PROSER2: variants seen among roughly 807,000 people sequenced by gnomAD.
PROSER2 encodes the protein proline and serine-rich protein 2.
A neutral mutation model predicts 14.6 loss-of-function variants in PROSER2; 18 were observed. That is an observed-to-expected ratio of 1.23 (90% CI 0.85 to 1.83). The LOEUF is 1.83. Ranked by LOEUF, PROSER2 falls within the 40% of genes most tolerant of loss-of-function variation. The pLI, the probability that PROSER2 is intolerant of heterozygous loss-of-function variation, is 0.00. For synonymous variants in PROSER2, 367 were observed against 286.4 expected (o/e 1.28, Z -2.84); for missense variants, 823 against 629.8 (o/e 1.31, Z -3.28).
At chr10:11,850,817 T>C (rs1834005383) in intron 1 of PROSER2, 1 of 152,230 alleles carries the variant, frequency 6.6e-6, no homozygotes, top group African/African-American at 2.4e-5. Flanking sequence ...TGGTCATGTT[T>C]CCATTAATCA....
At chr10:11,843,198 C>T (rs1833874662) in intron 1 of PROSER2, among the ~76,000 whole-genome samples, 1 of 150,068 alleles carries the variant, frequency 6.7e-6, no homozygotes, top group Non-Finnish European at 1.5e-5. Context: ...CCTCGGCCTC[C>T]CAAAGTGCCG....
In PROSER2 at chr10:11,830,686, CT is replaced by C. The variant is rs1055303934; in HGVS notation, c.-82+7218del. Among the ~76,000 whole-genome samples, 8 of 152,314 alleles carry C rather than the reference CT, an allele frequency of 5.3e-5. No homozygotes were observed. The highest frequency in any genetic ancestry group is 1.2e-4 in the Non-Finnish European group (8 of 68,018). On this transcript the variant is annotated intron_variant, in intron 1 of 3. Coordinates refer to ENST00000277570, the MANE Select transcript of PROSER2 (RefSeq NM_153256.4). The surrounding 1 kb of genome is among the most constrained non-coding windows in gnomAD (Gnocchi z 4.5). ...GAGAGGTTGATAGCCATTCCTTGGA[CT>C]TCTGAAAATAGTAACATGGGAACTG...
At chr10:11,828,791 G>A (rs945133050) in intron 1 of PROSER2, among the ~76,000 whole-genome samples, 2 of 152,186 alleles carry the variant, frequency 1.3e-5, no homozygotes, top group Non-Finnish European at 2.9e-5. Flanking sequence ...GAATACGGAG[G>A]TGACTAAGGC....
Position 11,866,345 on chromosome 10 carries a change from C to T in PROSER2, c.139-186C>T, listed in dbSNP as rs570167836. Among the ~76,000 whole-genome samples the T allele has an allele frequency of 7.2e-5, 11 of 152,120 alleles. No homozygotes were observed. The highest frequency in any genetic ancestry group is 4.1e-4 in the South Asian group (2 of 4,820). ...AGGCTCTGTTGTTTGCTCTGCCTTTCGGAACACGTTCTCTTCCATCTGGGT... is the reference window on the plus strand; with the variant it reads ...AGGCTCTGTTGTTTGCTCTGCCTTTTGGAACACGTTCTCTTCCATCTGGGT... On this transcript the variant is annotated intron_variant, in intron 2 of 3. Transcript: ENST00000277570. The surrounding 1 kb of genome is among the most constrained non-coding windows in gnomAD (Gnocchi z 6.0).
At chr10:11,841,500 G>T (rs1170397656) in intron 1 of PROSER2, among the ~76,000 whole-genome samples, 1 of 151,816 alleles carries the variant, frequency 6.6e-6, no homozygotes, top group African/African-American at 2.4e-5. Flanking sequence ...TAGATGCTTG[G>T]TTCATTAAAT....
At position 11,865,069 on chromosome 10, in the gene PROSER2, C is replaced by T. The variant is rs1459147251; in HGVS notation, c.139-1462C>T. Among the ~76,000 whole-genome samples the T allele has an allele frequency of 1.3e-5, 2 of 152,100 alleles. No homozygotes were observed. The highest frequency in any genetic ancestry group is 4.8e-5 in the African/African-American group (2 of 41,420). On this transcript the variant is annotated intron_variant, in intron 2 of 3. Transcript: ENST00000277570. The surrounding 1 kb of genome is among the most constrained non-coding windows in gnomAD (Gnocchi z 4.2). ...CTTTCAGTTTGGAAACTCACCTGTT[C>T]CTGTTTAGGGGCATTTCCCTGAATT... is the stretch of plus-strand genomic sequence containing the variant.
intron 2 of PROSER2, among the ~76,000 whole-genome samples, chr10:11,860,770 T>C (rs1834221233): frequency 1.3e-5 from 2 of 152,106 alleles, no homozygotes; most frequent in Non-Finnish European, 2.9e-5. Flanking sequence ...TGCTTGTTAG[T>C]GTGTGATGGG....
chr10:11,852,684 A>ATTTT (rs33939695), intron 2 of PROSER2, among the ~76,000 whole-genome samples: 3 of 98,024 alleles, frequency 3.1e-5, no homozygotes, highest in African/African-American at 4.1e-5. Context: ...ACACCCGGCT[A>ATTTT]TTTTTTTTTT....
intron 1 of PROSER2, among the ~76,000 whole-genome samples, chr10:11,846,455 A>G (rs922541589): frequency 1.3e-5 from 2 of 152,162 alleles, no homozygotes; most frequent in African/African-American, 4.8e-5. Context: ...AGGTTTCTTC[A>G]GATCATTTTT....
At chr10:11,844,914 T>G (rs559748022) in intron 1 of PROSER2, among the ~76,000 whole-genome samples, 30 of 152,314 alleles carry the variant, frequency 2.0e-4, no homozygotes, top group Non-Finnish European at 3.8e-4. Flanking sequence ...AAGCCACCAC[T>G]CCCAGCCTTC....
intron 1 of PROSER2, among the ~76,000 whole-genome samples, chr10:11,843,784 A>C (rs547516536): frequency 5.9e-5 from 9 of 151,994 alleles, no homozygotes; most frequent in African/African-American, 2.2e-4. Flanking sequence ...CCTGGGAGGC[A>C]GAGGTTGCAG....
At chr10:11,854,638 A>T (rs1179741669) in intron 2 of PROSER2, among the ~76,000 whole-genome samples, 2 of 144,498 alleles carry the variant, frequency 1.4e-5, no homozygotes, top group African/African-American at 5.2e-5. Context: ...TTTTTTTGCA[A>T]CCTCTGCCTC....
chr10:11,857,951 C>G lies in PROSER2; in HGVS notation c.138+5736C>G, dbSNP rs539326653. Among the ~76,000 whole-genome samples, 3 of 151,994 alleles carry G rather than the reference C, an allele frequency of 2.0e-5. No individual in the cohort carries two copies. In the East Asian group the frequency reaches 5.8e-4, roughly 29 times the overall value. On this transcript the variant is annotated intron_variant, in intron 2 of 3. Coordinates refer to ENST00000277570, the MANE Select transcript of PROSER2 (RefSeq NM_153256.4). ...ACTAAATTTCTTTTTTTTTCCCCCC[C>G]AAGATGGAGTCTTGCTCTGTTGCCC...
rs76346961 is a variant in PROSER2 at position 11,869,626 on chromosome 10, C to T, written c.528C>T (p.Arg176=). Residue 176 remains arginine, a synonymous_variant, in exon 4 of 4, where the codon CGC becomes CGT. Transcript: ENST00000277570. The surrounding 1 kb of genome is among the most constrained non-coding windows in gnomAD (Gnocchi z 4.4). ...STPDPPRREL[R]APSPPVEHPR... ...CCGATCCCCCCAGGAGGGAGCTGCG[C>T]GCCCCCTCCCCGCCGGTGGAGCACC... The T allele has an allele frequency of 2.0e-4, 314 of 1,595,880 alleles. No individual in the cohort carries two copies. In the East Asian group the frequency reaches 6.0e-3, roughly 31 times the overall value.
chr10:11,847,154 A>AATAAAT (rs1197050251), intron 1 of PROSER2, among the ~76,000 whole-genome samples: 4,976 of 87,916 alleles, frequency 0.057, 171 homozygotes, highest in African/African-American at 0.14. Flanking sequence ...AACATAAATA[A>AATAAAT]ATATATATAT....
At chr10:11,841,980 T>A (rs1833851389) in intron 1 of PROSER2, among the ~76,000 whole-genome samples, 1 of 152,300 alleles carries the variant, frequency 6.6e-6, no homozygotes. Flanking sequence ...CCTAGCACTT[T>A]GGGAGGCCGA....
Position 11,845,398 on chromosome 10 carries a change from T to C in PROSER2, c.-81-6599T>C, listed in dbSNP as rs367661839. On this transcript the variant is annotated intron_variant, in intron 1 of 3. Coordinates refer to ENST00000277570, the MANE Select transcript of PROSER2 (RefSeq NM_153256.4). ...TTGTTTTCGGTGTTCTGTGGTTTCA[T>C]TGTGATTGTCTAATAGTACATTTAA... Among the ~76,000 whole-genome samples the C allele has an allele frequency of 7.2e-5, 11 of 152,310 alleles. 1 individual carries two copies. In the South Asian group the frequency reaches 2.1e-3, roughly 29 times the overall value.
At position 11,869,824 on chromosome 10, in the gene PROSER2, C is replaced by A; in HGVS notation, c.726C>A (p.Pro242=). ...GCAGTGGAGACCCTGGCCCGGGGCC[C>A]AGCCACCCGGCGCAGCCCAAGGCAC... ...GPRSGDPGPG[P]SHPAQPKAPR... The change falls in exon 4 of 4, where the codon CCC becomes CCA. Residue 242 remains proline, a synonymous_variant. Coordinates refer to ENST00000277570, the MANE Select transcript of PROSER2 (RefSeq NM_153256.4). This position sits in a 1 kb window ranked among gnomAD's most constrained non-coding sequence, Gnocchi z 4.4. 1 of 1,570,674 alleles carries A rather than the reference C, an allele frequency of 6.4e-7. No individual in the cohort carries two copies. Among genetic ancestry groups the A allele is most frequent in the East Asian group, 2.3e-5 (1 of 43,402 alleles).
chr10:11,839,801 G>A (rs1833811046), intron 1 of PROSER2, among the ~76,000 whole-genome samples: 1 of 147,996 alleles, frequency 6.8e-6, no homozygotes, highest in Non-Finnish European at 1.5e-5. Context: ...CTCCAGCCTG[G>A]GCAACAGAGT....
Sources: allele counts gnomAD v4.1 joint callset (sites outside exome capture counted in the v4.1 genomes callset), GRCh38; gene constraint gnomAD v4.1.1; non-coding constraint Gnocchi (gnomAD v3.1); transcripts MANE v1.5; gene names NCBI Gene and HGNC (gene_info 2026-07-23, HGNC 2026-07-21).